Variants in SLC14A2 observed in about 807,000 individuals in gnomAD.
SLC14A2 encodes the protein urea transporter 2.
Under a neutral mutation model 104.6 loss-of-function variants are expected in SLC14A2, and 91 were observed. That is an observed-to-expected ratio of 0.87 (90% CI 0.73 to 1.04). The LOEUF (loss-of-function observed/expected upper bound fraction) is 1.04, where lower values mean the gene tolerates loss of function less well. Among genes scored for constraint, SLC14A2 ranks in the 50% least tolerant of loss-of-function variants. The probability of loss-of-function intolerance (pLI) is 0.00; values close to 1 mark genes in which losing one functional copy is unlikely to be tolerated. For missense variants in SLC14A2, 1,189 were observed against 1,156.0 expected (o/e 1.03, Z -0.41); for synonymous variants, 476 against 466.4 (o/e 1.02, Z -0.27).
chr18:45,453,435 T>C (rs1455547879), intron 1 of SLC14A2, among the ~76,000 whole-genome samples: 4 of 152,158 alleles, frequency 2.6e-5, no homozygotes, highest in Non-Finnish European at 5.9e-5. Context: ...CAAAAATTAA[T>C]GTCAAAAATT....
intron 1 of SLC14A2, among the ~76,000 whole-genome samples, chr18:45,312,582 A>G (rs1226446356): frequency 6.6e-6 from 1 of 152,178 alleles, no homozygotes; most frequent in Non-Finnish European, 1.5e-5. Context: ...TGGATCAGAA[A>G]AAATTATTGC....
the SLC14A2 span, among the ~76,000 whole-genome samples, chr18:45,185,847 C>A: frequency 1.2e-4 from 18 of 152,030 alleles, no homozygotes; most frequent in Admixed American, 5.2e-4. Flanking sequence ...ATACAAGCAA[C>A]AATCATAAAC....
At chr18:45,475,648 T>TTTCGG (rs1568227873) in intron 1 of SLC14A2, among the ~76,000 whole-genome samples, 1 of 12,026 alleles carries the variant, frequency 8.3e-5, no homozygotes, top group African/African-American at 3.3e-4. Flanking sequence ...TTAGGATATA[T>TTTCGG]ATATATATAT....
chr18:45,478,811 C>T (rs140074580), intron 1 of SLC14A2, among the ~76,000 whole-genome samples: 12 of 152,192 alleles, frequency 7.9e-5, no homozygotes, highest in African/African-American at 2.4e-4. Flanking sequence ...TTGCCAAGAC[C>T]AATTAAAGTG....
chr18:45,444,557 C>T (rs2086733244), intron 1 of SLC14A2, among the ~76,000 whole-genome samples: 1 of 152,134 alleles, frequency 6.6e-6, no homozygotes, highest in Non-Finnish European at 1.5e-5. Flanking sequence ...AGTGAGTTGC[C>T]GTTGGATGGA....
chr18:45,399,199 C>A (rs965781212), intron 1 of SLC14A2, among the ~76,000 whole-genome samples: 1 of 152,260 alleles, frequency 6.6e-6, no homozygotes, highest in Admixed American at 6.5e-5. Flanking sequence ...AGAATTTGAA[C>A]CCAGGCAGTC....
chr18:45,500,563 C>G (rs1174075145), intron 2 of SLC14A2, among the ~76,000 whole-genome samples: 1 of 122,724 alleles, frequency 8.1e-6, no homozygotes, highest in African/African-American at 3.1e-5. Flanking sequence ...GGCGACAGAG[C>G]GAGACTCCGT....
chr18:45,324,670 G>A (rs78282426), intron 1 of SLC14A2, among the ~76,000 whole-genome samples: 3,949 of 152,170 alleles, frequency 0.026, 66 homozygotes, highest in South Asian at 0.046. Flanking sequence ...TTAGCCAGGG[G>A]AGGTTGTGAA....
the SLC14A2 span, among the ~76,000 whole-genome samples, chr18:45,192,614 T>TTGTGTGTG: frequency 1.7e-4 from 25 of 146,624 alleles, no homozygotes; most frequent in African/African-American, 6.0e-4. Flanking sequence ...GGTAGTGGTT[T>TTGTGTGTG]TGTGTGTGTG....
chr18:45,316,203 C>T (rs2085127640), intron 1 of SLC14A2, among the ~76,000 whole-genome samples: 1 of 152,216 alleles, frequency 6.6e-6, no homozygotes, highest in African/African-American at 2.4e-5. Flanking sequence ...TCTGCAGCTT[C>T]ACAATCTCTC....
chr18:45,642,021 T>A (rs1258445558), intron 8 of SLC14A2, among the ~76,000 whole-genome samples: 2 of 152,034 alleles, frequency 1.3e-5, no homozygotes, highest in Admixed American at 6.6e-5. Context: ...ATTTTACAGA[T>A]GAGGAAATGA....
At chr18:45,511,463 C>T (rs937686388) in intron 2 of SLC14A2, among the ~76,000 whole-genome samples, 1 of 152,174 alleles carries the variant, frequency 6.6e-6, no homozygotes, top group Non-Finnish European at 1.5e-5. Flanking sequence ...CTTAAGGTCT[C>T]CTTGCAATCT....
the SLC14A2 span, among the ~76,000 whole-genome samples, chr18:45,197,471 A>G: frequency 1.7e-4 from 26 of 152,332 alleles, no homozygotes; most frequent in African/African-American, 6.3e-4. Context: ...TTCGGGGTCA[A>G]AAACAGGTGA....
chr18:45,328,260 G>T (rs948583241), intron 1 of SLC14A2, among the ~76,000 whole-genome samples: 2 of 152,164 alleles, frequency 1.3e-5, no homozygotes, highest in African/African-American at 4.8e-5. Flanking sequence ...AGAGCAAAAA[G>T]GAAGTGTGGT....
intron 1 of SLC14A2, among the ~76,000 whole-genome samples, chr18:45,309,066 G>A (rs1012293371): frequency 2.6e-5 from 4 of 152,164 alleles, no homozygotes; most frequent in African/African-American, 9.7e-5. Context: ...CAGTTTTGGA[G>A]ATTTCTGATC....
intron 18 of SLC14A2, among the ~76,000 whole-genome samples, chr18:45,677,138 C>G (rs2144660831): frequency 6.6e-6 from 1 of 152,340 alleles, no homozygotes; most frequent in Non-Finnish European, 1.5e-5. Flanking sequence ...ATCCTTCCTC[C>G]TCTCTCCCGA....
rs115557673 is a variant in SLC14A2, at chr18:45,339,395, G to A, written c.-125+126204G>A. Among the ~76,000 whole-genome samples, 988 of 152,278 alleles carry A rather than the reference G, an allele frequency of 6.5e-3. 20 individuals are homozygous for A. The highest frequency in any genetic ancestry group is 0.023 in the African/African-American group (944 of 41,556). On this transcript the variant is annotated intron_variant, in intron 1 of 20. Transcript: ENST00000586448. ...AATTAACAAAGCCACTGGTCATAAC[G>A]AGAAATAAAGAAAGCTGAATGCCTG...
At chr18:45,552,721 CAT>C (rs1317888443) in intron 2 of SLC14A2, among the ~76,000 whole-genome samples, 3 of 152,258 alleles carry the variant, frequency 2.0e-5, no homozygotes, top group East Asian at 1.9e-4. Context: ...TATCTGAAGA[CAT>C]AGAACAGGTG....
intron 1 of SLC14A2, among the ~76,000 whole-genome samples, chr18:45,477,964 G>C (rs2087416707): frequency 6.6e-6 from 1 of 152,168 alleles, no homozygotes; most frequent in South Asian, 2.1e-4. Flanking sequence ...TGGCTCCCTG[G>C]CTTCAGCCCC....
Sources: allele counts gnomAD v4.1 joint callset (sites outside exome capture counted in the v4.1 genomes callset), GRCh38; gene constraint gnomAD v4.1.1; transcripts MANE v1.5; gene names NCBI Gene and HGNC (gene_info 2026-07-23, HGNC 2026-07-21).